Variants in C10orf143 observed in about 807,000 individuals in gnomAD.
C10orf143 encodes the protein chromosome 10 open reading frame 143, also known as uncharacterized protein C10orf143.
At chr10:130,084,740 T>C (rs1360757362) in intron 1 of C10orf143, among the ~76,000 whole-genome samples, 2 of 152,166 alleles carry the variant, frequency 1.3e-5, no homozygotes, top group East Asian at 3.9e-4. Flanking sequence ...ATTACACTTA[T>C]CACCTAGAAA....
chr10:130,110,060 ACT>A (rs1164392516), intron 1 of C10orf143, among the ~76,000 whole-genome samples: 4 of 151,700 alleles, frequency 2.6e-5, no homozygotes, highest in Admixed American at 2.0e-4. Flanking sequence ...TTCCTCCAAC[ACT>A]GTTTTTTGTC....
At position 130,079,664 on chromosome 10, in the gene C10orf143, CAAT is replaced by C. The variant is rs1014461191; in HGVS notation, c.235-39_235-37del. ...AATCACAGTTGCAGATATATCAGAA[CAAT>C]GATTATTTACACTTTCTATTAAAAT... On this transcript the variant is annotated intron_variant, in intron 2 of 3. Coordinates refer to ENST00000637128, the MANE Select transcript of C10orf143 (RefSeq NM_001355042.2). The C allele has an allele frequency of 8.5e-5, 34 of 399,006 alleles. 1 individual carries two copies. The highest frequency in any genetic ancestry group is 6.6e-4 in the African/African-American group (32 of 48,760). 24.7% of individuals were successfully genotyped at this position (399,006 alleles called of 1,614,324 possible). A position where few individuals can be genotyped will look rare whatever the true frequency, so the allele number is the denominator to read the frequency against.
chr10:130,076,341 G>A (rs1476147094), intron 3 of C10orf143, among the ~76,000 whole-genome samples: 1 of 152,150 alleles, frequency 6.6e-6, no homozygotes, highest in African/African-American at 2.4e-5. Flanking sequence ...TCCCACCAAT[G>A]CCTCACGTTG....
At chr10:130,081,590 A>G (rs900665929) in intron 1 of C10orf143, among the ~76,000 whole-genome samples, 1 of 152,128 alleles carries the variant, frequency 6.6e-6, no homozygotes, top group Non-Finnish European at 1.5e-5. Flanking sequence ...TGATTTCTAT[A>G]GGGTAGAAAT....
At chr10:130,092,615 A>C (rs1861399634) in intron 1 of C10orf143, among the ~76,000 whole-genome samples, 1 of 152,204 alleles carries the variant, frequency 6.6e-6, no homozygotes, top group Admixed American at 6.5e-5. Flanking sequence ...TAAAAGACAC[A>C]GCCTGGAAAA....
At chr10:130,094,989 C>A (rs985126576) in intron 1 of C10orf143, among the ~76,000 whole-genome samples, 27 of 151,854 alleles carry the variant, frequency 1.8e-4, no homozygotes, top group African/African-American at 6.3e-4. Context: ...ATTGTCTCAG[C>A]AAAAAATCTC....
At chr10:130,101,839 G>C (rs1339676632) in intron 1 of C10orf143, among the ~76,000 whole-genome samples, 1 of 113,226 alleles carries the variant, frequency 8.8e-6, no homozygotes, top group African/African-American at 3.8e-5. Flanking sequence ...GACAGAGGGA[G>C]ACTCTGTCTC....
intron 3 of C10orf143, among the ~76,000 whole-genome samples, chr10:130,046,761 C>A (rs891125911): frequency 1.3e-5 from 2 of 152,204 alleles, no homozygotes; most frequent in African/African-American, 4.8e-5. Flanking sequence ...TCGCCCACGC[C>A]GCCCGCTCAC....
chr10:130,054,426 T>G lies in C10orf143; in HGVS notation c.298-18456A>C, dbSNP rs950857978. Among the ~76,000 whole-genome samples, 117 of 152,334 alleles carry G rather than the reference T, an allele frequency of 7.7e-4. 1 individual carries two copies. The highest frequency in any genetic ancestry group is 2.7e-3 in the African/African-American group (111 of 41,572). ...ATTTTCCTCATCTGCTGTCTTTGAG[T>G]GGGCATGCAGGTTGTTTTCACATCC... On this transcript the variant is annotated intron_variant and NMD_transcript_variant, in intron 3 of 5. Transcript: ENST00000643056.
intron 3 of C10orf143, chr10:130,066,607 C>G (rs1362054932): frequency 2.0e-5 from 3 of 152,250 alleles, no homozygotes; most frequent in African/African-American, 7.2e-5. Context: ...CACAAAGGAA[C>G]CTTTCGAAAT....
chr10:130,050,420 GCA>G (rs1860723761), intron 3 of C10orf143, among the ~76,000 whole-genome samples: 2 of 152,224 alleles, frequency 1.3e-5, no homozygotes, highest in African/African-American at 4.8e-5. Flanking sequence ...ACCAGACGTG[GCA>G]GCGTGCGCCT....
intron 1 of C10orf143, among the ~76,000 whole-genome samples, chr10:130,095,628 A>C (rs994835287): frequency 6.6e-6 from 1 of 152,212 alleles, no homozygotes; most frequent in African/African-American, 2.4e-5. Context: ...GGGCCTCAGA[A>C]ATAACGCCAC....
At chr10:130,094,996 TCTC>T (rs1233786426) in intron 1 of C10orf143, among the ~76,000 whole-genome samples, 1 of 147,884 alleles carries the variant, frequency 6.8e-6, no homozygotes, top group Non-Finnish European at 1.5e-5. Context: ...CAGCAAAAAA[TCTC>T]CTTAAGCTGA....
intron 3 of C10orf143, among the ~76,000 whole-genome samples, chr10:130,054,620 C>T (rs1860775688): frequency 6.6e-6 from 1 of 152,196 alleles, no homozygotes; most frequent in African/African-American, 2.4e-5. Context: ...GCGGCTGCAC[C>T]ATTTTGCATT....
At chr10:130,080,991 AG>A (rs1402875400) in intron 1 of C10orf143, among the ~76,000 whole-genome samples, 1 of 152,242 alleles carries the variant, frequency 6.6e-6, no homozygotes, top group African/African-American at 2.4e-5. Flanking sequence ...ATAATAAAAC[AG>A]GGGACCTAAG....
chr10:130,074,143 A>T (rs1861076620), intron 3 of C10orf143, among the ~76,000 whole-genome samples: 1 of 152,138 alleles, frequency 6.6e-6, no homozygotes, highest in African/African-American at 2.4e-5. Flanking sequence ...CTGCAAACAC[A>T]CTGATCAGCC....
At chr10:130,071,331 A>G (rs779167732) in intron 3 of C10orf143, among the ~76,000 whole-genome samples, 8 of 152,146 alleles carry the variant, frequency 5.3e-5, no homozygotes, top group Non-Finnish European at 1.2e-4. Flanking sequence ...ACTCTACCTC[A>G]CTCACAGTTA....
chr10:130,048,353 G>C (rs1184009321), intron 3 of C10orf143, among the ~76,000 whole-genome samples: 2 of 152,158 alleles, frequency 1.3e-5, no homozygotes, highest in Non-Finnish European at 2.9e-5. Context: ...CTACTGGCCA[G>C]GTTGGCTGAG....
chr10:130,107,661 T>G (rs1861677881), intron 1 of C10orf143: 5 of 1,314,544 alleles, frequency 3.8e-6, no homozygotes, highest in Admixed American at 1.7e-5. Context: ...GCAACTCTGT[T>G]GGAGGGTCCA....
Sources: allele counts gnomAD v4.1 joint callset (sites outside exome capture counted in the v4.1 genomes callset), GRCh38; gene constraint gnomAD v4.1.1; transcripts MANE v1.5; gene names NCBI Gene and HGNC (gene_info 2026-07-23, HGNC 2026-07-21).